Variants in FYB1 observed in about 807,000 individuals in gnomAD.
FYB1 encodes the protein FYN binding protein 1.
FYB1 carries 41 observed loss-of-function variants against 94.1 expected under a neutral mutation model. That is an observed-to-expected ratio of 0.44 (90% CI 0.34 to 0.57). The LOEUF (loss-of-function observed/expected upper bound fraction) is 0.57, where lower values mean the gene tolerates loss of function less well. Among genes scored for constraint, FYB1 ranks in the 20% least tolerant of loss-of-function variants. FYB1 has a pLI of 0.02. For missense variants in FYB1, 1,050 were observed against 976.8 expected (o/e 1.07, Z -1.00); for synonymous variants, 367 against 353.2 (o/e 1.04, Z -0.44).
upstream of FYB1, among the ~76,000 whole-genome samples, chr5:39,222,346 G>A (rs1218652769): frequency 5.3e-5 from 8 of 152,184 alleles, no homozygotes; most frequent in Non-Finnish European, 2.9e-5. Flanking sequence ...ACATTGCCAG[G>A]CATACAGAAG....
chr5:39,148,665 G>A (rs771387022), intron 3 of FYB1, among the ~76,000 whole-genome samples: 3 of 151,718 alleles, frequency 2.0e-5, no homozygotes, highest in Non-Finnish European at 4.4e-5. Context: ...TTAATGAAAA[G>A]GTTATAATGG....
rs180798766 is a variant in FYB1 at position 39,211,358 on chromosome 5, T to C, written c.-28+8085A>G. Among the ~76,000 whole-genome samples the C allele has an allele frequency of 2.7e-3, 406 of 150,644 alleles. 1 individual carries two copies. The highest frequency in any genetic ancestry group is 0.011 in the Middle Eastern group (3 of 284). On this transcript the variant is annotated intron_variant, in intron 1 of 18. Coordinates refer to ENST00000512982, the MANE Select transcript of FYB1 (RefSeq NM_001465.6). ...TTTTTTGAGACGGAGTCTCGCTCTG[T>C]CGCCCAGGCTGCAGTGCAGTGGCGC...
At chr5:39,253,026 A>G (rs530392738) in intron 1 of FYB1, among the ~76,000 whole-genome samples, 3 of 152,368 alleles carry the variant, frequency 2.0e-5, no homozygotes, top group Non-Finnish European at 2.9e-5. Flanking sequence ...GAACCTTGAT[A>G]TAGCTCAGGA....
chr5:39,203,029 C>G (rs779191350), intron 1 of FYB1, 42 bp from the exon 2 acceptor site: 1 of 1,557,598 alleles, frequency 6.4e-7, no homozygotes, highest in East Asian at 2.2e-5. Context: ...AGACAAAAGT[C>G]TTACTTGCAC....
intron 1 of FYB1, chr5:39,270,470 G>T (rs1752626658): frequency 7.0e-6 from 8 of 1,139,720 alleles, no homozygotes; most frequent in Non-Finnish European, 8.6e-6. Flanking sequence ...AGGCTCAGAG[G>T]ACCTGACTGT....
chr5:39,177,859 T>A (rs1745879208), intron 2 of FYB1, among the ~76,000 whole-genome samples: 1 of 152,174 alleles, frequency 6.6e-6, no homozygotes. Flanking sequence ...ACTTCCTACT[T>A]TACTGGTGAC....
chr5:39,170,319 A>C (rs984553753), intron 2 of FYB1: 1 of 1,373,074 alleles, frequency 7.3e-7, no homozygotes, highest in African/African-American at 1.5e-5. Flanking sequence ...CAGCAAGATC[A>C]ACAAACCAAG....
chr5:39,270,512 G>A (rs1752629544), intron 1 of FYB1: 2 of 1,494,000 alleles, frequency 1.3e-6, no homozygotes, highest in Non-Finnish European at 1.8e-6. Context: ...GTTCTATGCA[G>A]AGAAGAGTAG....
intron 2 of FYB1, among the ~76,000 whole-genome samples, chr5:39,191,301 C>T (rs1747336705): frequency 6.6e-6 from 1 of 152,206 alleles, no homozygotes; most frequent in African/African-American, 2.4e-5. Flanking sequence ...CTCCATAGAC[C>T]TACTGCCACC....
Position 39,202,871 on chromosome 5 carries a change from T to C in FYB1, c.90A>G (p.Ser30=). 6.2e-7 allele frequency: 1 copy of C among 1,614,010 alleles called. No homozygotes were observed. Among genetic ancestry groups the C allele is most frequent in the Non-Finnish European group, 8.5e-7 (1 of 1,179,890 alleles). The change falls in exon 2 of 19, where the codon TCA becomes TCG. Residue 30 remains serine, a synonymous_variant. Coordinates refer to ENST00000512982, the MANE Select transcript of FYB1 (RefSeq NM_001465.6). ...PFRVTGPNSS[S]GIQARKNLFN... ...ATAAGTTCTTTCTTGCTTGTATTCC[T>C]GAAGATGAGTTTGGCCCTGTGACTC...
At position 39,219,177 on chromosome 5, in the gene FYB1, T is replaced by A. The variant is rs114227674; in HGVS notation, c.-28+266A>T. Among the ~76,000 whole-genome samples, 667 of 152,276 alleles carry A rather than the reference T, an allele frequency of 4.4e-3. 2 individuals carry two copies. The highest frequency in any genetic ancestry group is 7.8e-3 in the Non-Finnish European group (530 of 68,022). On this transcript the variant is annotated intron_variant, in intron 1 of 18. Transcript: ENST00000512982. ...CACCAGAGGTTCCAACAAGAACACA[T>A]GAGAGGCCTTATCCAGTTACGAAAG...
intron 1 of FYB1, among the ~76,000 whole-genome samples, chr5:39,253,275 T>C (rs1033120823): frequency 6.6e-6 from 1 of 152,152 alleles, no homozygotes; most frequent in Non-Finnish European, 1.5e-5. Context: ...ATATTAAAGA[T>C]AACTCTCAAA....
upstream of FYB1, among the ~76,000 whole-genome samples, chr5:39,220,518 A>C (rs769209339): frequency 5.9e-5 from 9 of 152,092 alleles, no homozygotes; most frequent in East Asian, 1.9e-4. Context: ...AAAGACAAGA[A>C]AAGAAAAGAA....
Position 39,208,604 on chromosome 5 carries a change from CAG to C in FYB1, c.-27-5619_-27-5618del, listed in dbSNP as rs200307399. Among the ~76,000 whole-genome samples, 1,213 of 152,218 alleles carry C rather than the reference CAG, an allele frequency of 8.0e-3. 5 individuals are homozygous for C. The highest frequency in any genetic ancestry group is 0.013 in the Non-Finnish European group (889 of 68,020). On this transcript the variant is annotated intron_variant, in intron 1 of 18. Coordinates refer to ENST00000512982, the MANE Select transcript of FYB1 (RefSeq NM_001465.6). ...TGATAGGACCCCAGTACAGTGACAT[CAG>C]AGGACAACAAGAGGCTGTGAGGGCG...
intron 1 of FYB1, among the ~76,000 whole-genome samples, chr5:39,245,755 C>T (rs1048610553): frequency 6.6e-6 from 1 of 152,128 alleles, no homozygotes; most frequent in Non-Finnish European, 1.5e-5. Flanking sequence ...CCCGCCACTA[C>T]AACCAGCTAG....
intron 3 of FYB1, among the ~76,000 whole-genome samples, chr5:39,150,852 C>T (rs759514413): frequency 1.5e-4 from 23 of 152,172 alleles, no homozygotes; most frequent in Non-Finnish European, 3.4e-4. Context: ...CAATTGTCTA[C>T]CTACTGTCTC....
intron 3 of FYB1, 74 bp downstream of exon 3, chr5:39,153,374 C>A: frequency 1.3e-6 from 2 of 1,554,564 alleles, no homozygotes; most frequent in Non-Finnish European, 1.8e-6. Context: ...GAACTCTCAG[C>A]ATTTGACCAA....
intron 16 of FYB1, among the ~76,000 whole-genome samples, chr5:39,117,834 G>T (rs970383844): frequency 1.3e-5 from 2 of 151,964 alleles, no homozygotes; most frequent in African/African-American, 4.8e-5. Context: ...ATTTAAATAC[G>T]CTTTCTTTTG....
chr5:39,214,230 G>A (rs2150533446), intron 1 of FYB1, among the ~76,000 whole-genome samples: 1 of 152,294 alleles, frequency 6.6e-6, no homozygotes, highest in Middle Eastern at 3.4e-3. Flanking sequence ...TTTAAAAAAA[G>A]CAGAAAATAA....
Sources: gnomAD v4.1 joint callset for allele counts (sites outside exome capture counted in the v4.1 genomes callset) on GRCh38, gnomAD v4.1.1 for gene constraint, MANE v1.5 for transcripts, NCBI Gene and HGNC (gene_info 2026-07-23, HGNC 2026-07-21) for gene names.